Variants in RTN1 observed in about 807,000 individuals in gnomAD.
RTN1 encodes the protein reticulon 1.
RTN1 carries 25 observed loss-of-function variants against 65.5 expected under a neutral mutation model. The ratio of observed to expected loss-of-function variants is 0.38; its 90% CI spans 0.28 to 0.53. The LOEUF (loss-of-function observed/expected upper bound fraction) is 0.53, where lower values mean the gene tolerates loss of function less well. Ranked by LOEUF, RTN1 falls within the 20% of genes least tolerant of loss-of-function variation. The pLI is 0.79. For synonymous variants in RTN1, 471 were observed against 447.6 expected (o/e 1.05, Z -0.66); for missense variants, 983 against 1,025.4 (o/e 0.96, Z 0.57).
At chr14:59,658,570 C>T (rs1000507169) in intron 3 of RTN1, among the ~76,000 whole-genome samples, 1 of 152,200 alleles carries the variant, frequency 6.6e-6, no homozygotes, top group Non-Finnish European at 1.5e-5. Context: ...TCTGCAGCCT[C>T]CACTGGTGAT....
chr14:59,610,327 T>C (rs968018513), intron 3 of RTN1: 2 of 570,228 alleles, frequency 3.5e-6, no homozygotes, highest in African/African-American at 3.8e-5. Context: ...GCAGGAGGTT[T>C]CTAATAAGGA....
Position 59,790,282 on chromosome 14 carries a change from GAC to G in RTN1, c.242-43803_242-43802del, listed in dbSNP as rs201182506. ...ATTATGTATGTCACACACACACACAGACACACACACACACCTCTAGGAAAAAA... is the reference window on the plus strand; with the variant it reads ...ATTATGTATGTCACACACACACACAGACACACACACACCTCTAGGAAAAAA... On this transcript the variant is annotated intron_variant, in intron 1 of 8. Coordinates refer to ENST00000267484, the MANE Select transcript of RTN1 (RefSeq NM_021136.3). The surrounding 1 kb of genome is among the most constrained non-coding windows in gnomAD (Gnocchi z 4.1). Among the ~76,000 whole-genome samples the G allele has an allele frequency of 2.6e-5, 4 of 151,236 alleles. No homozygotes were observed. The highest frequency in any genetic ancestry group is 7.3e-5 in the African/African-American group (3 of 41,200).
At chr14:59,679,444 G>A (rs1171437606) in intron 3 of RTN1, among the ~76,000 whole-genome samples, 1 of 152,146 alleles carries the variant, frequency 6.6e-6, no homozygotes, top group African/African-American at 2.4e-5. Context: ...CTCCAGCTAA[G>A]ACCATGAGGT....
intron 1 of RTN1, among the ~76,000 whole-genome samples, chr14:59,857,471 C>T (rs952047347): frequency 3.9e-5 from 6 of 152,182 alleles, no homozygotes; most frequent in Non-Finnish European, 8.8e-5. Context: ...TATAGCATAA[C>T]ATTCTCCCAG....
chr14:59,676,806 G>GA (rs1225561340), intron 3 of RTN1, among the ~76,000 whole-genome samples: 4 of 152,110 alleles, frequency 2.6e-5, no homozygotes, highest in Non-Finnish European at 5.9e-5. Context: ...CTTAAACACT[G>GA]AAAAAATAGT....
chr14:59,779,295 A>G (rs1886109989), intron 1 of RTN1, among the ~76,000 whole-genome samples: 1 of 152,102 alleles, frequency 6.6e-6, no homozygotes. Flanking sequence ...TTTCTGTCAT[A>G]CGAAGGGGAG....
At chr14:59,680,442 A>C (rs1212448728) in intron 3 of RTN1, among the ~76,000 whole-genome samples, 1 of 152,220 alleles carries the variant, frequency 6.6e-6, no homozygotes, top group East Asian at 1.9e-4. Context: ...CATTGTTTAC[A>C]ATAAGTCTAT....
At chr14:59,648,712 A>G (rs571852804) in intron 3 of RTN1, among the ~76,000 whole-genome samples, 85 of 152,244 alleles carry the variant, frequency 5.6e-4, no homozygotes, top group Non-Finnish European at 1.1e-3. Context: ...ATAGATGCAG[A>G]AAAACTTTTG....
At chr14:59,660,624 C>T (rs1276512222) in intron 3 of RTN1, among the ~76,000 whole-genome samples, 2 of 152,096 alleles carry the variant, frequency 1.3e-5, no homozygotes, top group African/African-American at 4.8e-5. Flanking sequence ...ACAACTTGCT[C>T]CTGAATGACT....
chr14:59,783,532 C>T (rs995867920), intron 1 of RTN1, among the ~76,000 whole-genome samples: 2 of 152,158 alleles, frequency 1.3e-5, no homozygotes, highest in African/African-American at 4.8e-5. Flanking sequence ...GATTCCTCCA[C>T]CACAGGCCCT....
At chr14:59,853,065 T>G (rs1890907570) in intron 1 of RTN1, among the ~76,000 whole-genome samples, 1 of 152,180 alleles carries the variant, frequency 6.6e-6, no homozygotes, top group African/African-American at 2.4e-5. Flanking sequence ...TCTATGAGAG[T>G]ATCTGGAATC....
At chr14:59,712,754 A>C (rs1594693784) in intron 3 of RTN1, among the ~76,000 whole-genome samples, 2 of 152,258 alleles carry the variant, frequency 1.3e-5, no homozygotes, top group Middle Eastern at 3.4e-3. Flanking sequence ...TCTACTAAAA[A>C]TACAAAATTA....
At chr14:59,843,426 G>A (rs1205227263) in intron 1 of RTN1, among the ~76,000 whole-genome samples, 1 of 152,210 alleles carries the variant, frequency 6.6e-6, no homozygotes. Context: ...GTATAAGTGA[G>A]ACTTGTTTCC....
chr14:59,597,950 G>A (rs1881455523), intron 8 of RTN1, among the ~76,000 whole-genome samples: 1 of 152,122 alleles, frequency 6.6e-6, no homozygotes, highest in African/African-American at 2.4e-5. Context: ...GGTGGGTGTT[G>A]GAGTTTGTGG....
chr14:59,643,984 T>C (rs1467343873), intron 3 of RTN1, among the ~76,000 whole-genome samples: 4 of 151,984 alleles, frequency 2.6e-5, no homozygotes, highest in African/African-American at 9.7e-5. Flanking sequence ...GTTCAAAGAA[T>C]AAAAAGAAAC....
At chr14:59,653,141 A>G (rs929904935) in intron 3 of RTN1, among the ~76,000 whole-genome samples, 7 of 152,172 alleles carry the variant, frequency 4.6e-5, no homozygotes, top group African/African-American at 1.7e-4. Context: ...ACTTGAAATA[A>G]AAGACAGAAA....
At chr14:59,648,529 A>C (rs1882951025) in intron 3 of RTN1, among the ~76,000 whole-genome samples, 1 of 152,224 alleles carries the variant, frequency 6.6e-6, no homozygotes. Flanking sequence ...ACTGAGGCAA[A>C]AATCCTCAAC....
rs868638554 is a variant in RTN1, at chr14:59,866,990, T to C, written c.241+3400A>G. 6.6e-5 allele frequency among the ~76,000 whole-genome samples: 10 copies of C among 152,202 alleles called. No homozygotes were observed. In the South Asian group the frequency reaches 2.1e-3, roughly 31 times the overall value. ...GTAAATTGGAAAATGCTTTTTGTAATTATCTTGAAATTTAAGTCAAATTAT... is the reference window on the plus strand; with the variant it reads ...GTAAATTGGAAAATGCTTTTTGTAACTATCTTGAAATTTAAGTCAAATTAT... On this transcript the variant is annotated intron_variant, in intron 1 of 8. Transcript: ENST00000267484.
intron 1 of RTN1, among the ~76,000 whole-genome samples, chr14:59,756,277 A>G (rs1885634764): frequency 1.3e-5 from 2 of 152,290 alleles, no homozygotes; most frequent in South Asian, 4.1e-4. Flanking sequence ...GTCTTCTTTG[A>G]GAAACAATCT....
Sources: gnomAD v4.1 joint callset for allele counts (sites outside exome capture counted in the v4.1 genomes callset) on GRCh38, gnomAD v4.1.1 for gene constraint, Gnocchi (gnomAD v3.1) non-coding constraint, MANE v1.5 for transcripts, NCBI Gene and HGNC (gene_info 2026-07-23, HGNC 2026-07-21) for gene names.